Variants in CPE observed in about 807,000 individuals in gnomAD.
The protein encoded by CPE is carbocypeptidase E.
CPE carries 17 observed loss-of-function variants against 53.5 expected under a neutral mutation model. The ratio of observed to expected loss-of-function variants is 0.32; its 90% CI spans 0.22 to 0.48. The LOEUF is 0.48. Ranked by LOEUF, CPE falls within the 20% of genes least tolerant of loss-of-function variation. The pLI is 0.99. For synonymous variants in CPE, 226 were observed against 228.8 expected (o/e 0.99, Z 0.11); for missense variants, 524 against 614.7 (o/e 0.85, Z 1.56).
chr4:165,468,881 A>T (rs1016956469), intron 3 of CPE, among the ~76,000 whole-genome samples: 8 of 152,222 alleles, frequency 5.3e-5, no homozygotes, highest in Non-Finnish European at 1.0e-4. Flanking sequence ...ACTTAATGTG[A>T]TGGTTAAGTA....
chr4:165,406,146 G>A, intron 1 of CPE: 1 of 744,504 alleles, frequency 1.3e-6, no homozygotes, highest in South Asian at 1.4e-5. Flanking sequence ...GAATGCAGCT[G>A]TTTGTTTATT....
intron 1 of CPE, among the ~76,000 whole-genome samples, chr4:165,435,527 A>C (rs1222995126): frequency 6.6e-6 from 1 of 152,216 alleles, no homozygotes; most frequent in African/African-American, 2.4e-5. Context: ...AGTTTTGGAA[A>C]GTAAAATAGA....
chr4:165,404,465 T>C (rs1309606402), intron 1 of CPE: 4 of 774,182 alleles, frequency 5.2e-6, no homozygotes, highest in Non-Finnish European at 9.6e-6. Flanking sequence ...CTTCCCAGAC[T>C]GGCGACCTAG....
chr4:165,442,334 G>A (rs1481022651), intron 1 of CPE, among the ~76,000 whole-genome samples: 2 of 152,042 alleles, frequency 1.3e-5, no homozygotes, highest in African/African-American at 2.4e-5. Flanking sequence ...ATGAACCACT[G>A]TACCCAGCCT....
chr4:165,465,021 A>G (rs1732073557), intron 2 of CPE, among the ~76,000 whole-genome samples: 1 of 152,198 alleles, frequency 6.6e-6, no homozygotes, highest in South Asian at 2.1e-4. Context: ...TTTGGCCGGA[A>G]TAATGTTTTA....
chr4:165,436,191 TACACACACAC>T (rs35269093), intron 1 of CPE, among the ~76,000 whole-genome samples: 1 of 149,296 alleles, frequency 6.7e-6, no homozygotes, highest in Non-Finnish European at 1.5e-5. Context: ...CCAGCACACA[TACACACACAC>T]ACACACACAC....
chr4:165,383,172 A>G (rs889301299), intron 1 of CPE, among the ~76,000 whole-genome samples: 1 of 152,182 alleles, frequency 6.6e-6, no homozygotes, highest in African/African-American at 2.4e-5. Flanking sequence ...GGGATGAAGA[A>G]TGGGCTTAGA....
intron 1 of CPE, among the ~76,000 whole-genome samples, chr4:165,451,035 C>A (rs1240518247): frequency 3.9e-5 from 6 of 152,216 alleles, no homozygotes; most frequent in Admixed American, 3.9e-4. Context: ...GGTCCACTGA[C>A]AAGCCGCATG....
chr4:165,482,465 A>T (rs1732432691), intron 4 of CPE, 106 bp downstream of exon 4: 2 of 753,198 alleles, frequency 2.7e-6, no homozygotes, highest in Non-Finnish European at 4.5e-6. Context: ...ACATTAAGTG[A>T]TTTTTGCCTG....
rs899180323 is a variant in CPE at position 165,401,298 on chromosome 4, C to T, written c.307+21770C>T. 9.2e-5 allele frequency among the ~76,000 whole-genome samples: 14 copies of T among 152,312 alleles called. No individual in the cohort carries two copies. In the South Asian group the frequency reaches 2.9e-3, roughly 32 times the overall value. ...AACAACAGGTGCAGTTAACTAGAAG[C>T]CGGTGAAGGAAAAATATAACCCTTG... is the stretch of plus-strand genomic sequence containing the variant. On this transcript the variant is annotated intron_variant, in intron 1 of 8. Transcript: ENST00000402744.
rs141651730 is a variant in CPE, at chr4:165,470,519, G to A, written c.672+2664G>A. 2.9e-3 allele frequency among the ~76,000 whole-genome samples: 444 copies of A among 152,198 alleles called. 1 individual carries two copies. The highest frequency in any genetic ancestry group is 9.9e-3 in the African/African-American group (413 of 41,548). On this transcript the variant is annotated intron_variant, in intron 3 of 8. Coordinates refer to ENST00000402744, the MANE Select transcript of CPE (RefSeq NM_001873.4). ...TAAGCCCACTTGCCCAACTCCTGCC[G>A]TCTTATCAGGAAGCCGATCACCAGT...
chr4:165,384,973 C>T (rs1730566470), intron 1 of CPE, among the ~76,000 whole-genome samples: 1 of 152,134 alleles, frequency 6.6e-6, no homozygotes, highest in East Asian at 1.9e-4. Flanking sequence ...CTCTCTCTTA[C>T]AGAGCTGAAA....
At chr4:165,418,177 A>G (rs1023606074) in intron 1 of CPE, 1 of 152,238 alleles carries the variant, frequency 6.6e-6, no homozygotes, top group South Asian at 2.1e-4. Flanking sequence ...ATTCTGTGTG[A>G]ATGAGTACAG....
intron 3 of CPE, among the ~76,000 whole-genome samples, chr4:165,478,146 A>G (rs1325079252): frequency 3.9e-5 from 6 of 152,230 alleles, no homozygotes; most frequent in Admixed American, 6.5e-5. Context: ...TAAGAACCAA[A>G]GACATCTAAT....
intron 1 of CPE, among the ~76,000 whole-genome samples, chr4:165,382,618 T>G (rs1730520829): frequency 6.6e-6 from 1 of 152,116 alleles, no homozygotes; most frequent in African/African-American, 2.4e-5. Flanking sequence ...ACAGAAGAAC[T>G]CCAAGAAAAT....
At chr4:165,467,892 T>C (rs768864865) in intron 3 of CPE, 37 bp downstream of exon 3, 14 of 1,600,552 alleles carry the variant, frequency 8.7e-6, no homozygotes. Flanking sequence ...GGTTCGTCTC[T>C]AGCCTAAGGA....
At chr4:165,415,263 G>A (rs1317019052) in intron 1 of CPE, 1 of 167,002 alleles carries the variant, frequency 6.0e-6, no homozygotes, top group African/African-American at 2.4e-5. Context: ...TTCTTCCTCT[G>A]TCATTTGTAG....
chr4:165,486,865 G>T lies in CPE; in HGVS notation c.974-573G>T, dbSNP rs1732513671. ...CCCTCAAAATCATCTTCGGAGAGAG[G>T]CATAGACCTGTCTCTGGGGCGCATC... On this transcript the variant is annotated intron_variant, in intron 5 of 8. Coordinates refer to ENST00000402744, the MANE Select transcript of CPE (RefSeq NM_001873.4). Among the ~76,000 whole-genome samples the T allele has an allele frequency of 2.0e-5, 3 of 152,064 alleles. No individual in the cohort carries two copies. The South Asian group carries it at 6.2e-4, about 32-fold the overall frequency.
intron 1 of CPE, among the ~76,000 whole-genome samples, chr4:165,424,778 C>A (rs940767990): frequency 2.0e-5 from 3 of 152,180 alleles, no homozygotes; most frequent in Non-Finnish European, 4.4e-5. Flanking sequence ...TCGTGATCCA[C>A]CTGCCTCGGC....
Sources: allele counts gnomAD v4.1 joint callset (sites outside exome capture counted in the v4.1 genomes callset), GRCh38; gene constraint gnomAD v4.1.1; transcripts MANE v1.5; gene names NCBI Gene and HGNC (gene_info 2026-07-23, HGNC 2026-07-21).